The following AR variants were observed in gnomAD, a reference collection of about 807,000 sequenced individuals.
The protein encoded by AR is androgen receptor.
AR carries 8 observed loss-of-function variants against 53.9 expected under a neutral mutation model. The ratio of observed to expected loss-of-function variants is 0.15; its 90% CI spans 0.09 to 0.27. The LOEUF is 0.27. Ranked by LOEUF, AR falls within the 10% of genes least tolerant of loss-of-function variation. AR has a pLI of 1.00. For missense variants in AR, 639 were observed against 742.5 expected (o/e 0.86, Z 1.62); for synonymous variants, 359 against 316.4 (o/e 1.13, Z -1.43).
intron 2 of AR, among the ~76,000 whole-genome samples, chrX:67,669,137 T>C (rs191017286): frequency 8.9e-6 from 1 of 111,804 alleles, no homozygotes; most frequent in Admixed American, 9.5e-5. Context: ...AGATGCATTG[T>C]TAGGTTATTT....
In AR at chrX:67,729,823, G is replaced by A. The variant is rs1412142550; in HGVS notation, c.*5982G>A. 5.8e-6 allele frequency: 1 copy of A among 171,049 alleles called. No individual in the cohort carries two copies. The highest frequency in any genetic ancestry group is 3.0e-5 in the African/African-American group (1 of 33,329). The allele number at this position is 171,049 out of a possible 1,213,427, so 14.1% of individuals were successfully genotyped here. ...TCTCTGGCTGCTGCCTCACAGTATG[G>A]GAACCTGTACTCTGCAGAGGTGACA... On this transcript the variant is annotated 3_prime_UTR_variant, in exon 8 of 8. Transcript: ENST00000374690.
intron 3 of AR, among the ~76,000 whole-genome samples, chrX:67,686,731 C>T (rs2075968894): frequency 1.8e-5 from 2 of 111,475 alleles, no homozygotes; most frequent in African/African-American, 6.5e-5. Flanking sequence ...CTTTGCAAAG[C>T]TATTGACCAT....
chrX:67,553,627 T>C lies in AR; in HGVS notation c.1616+6865T>C, dbSNP rs752664054. On this transcript the variant is annotated intron_variant, in intron 1 of 7. Coordinates refer to ENST00000374690, the MANE Select transcript of AR (RefSeq NM_000044.6). Reference sequence around the variant, plus strand: ...TCTCACAGGAACTATATTAAATCTGTAAACCAATTTGGGGAGCATTGTCAT... The same window carrying C: ...TCTCACAGGAACTATATTAAATCTGCAAACCAATTTGGGGAGCATTGTCAT... 2.0e-3 allele frequency among the ~76,000 whole-genome samples: 228 copies of C among 112,204 alleles called. 1 individual carries two copies. The highest frequency in any genetic ancestry group is 0.016 in the South Asian group (44 of 2,692).
intron 1 of AR, among the ~76,000 whole-genome samples, chrX:67,609,677 A>T: frequency 9.0e-6 from 1 of 110,646 alleles, no homozygotes. Context: ...TTATACTATG[A>T]TTTCTTAGTG....
intron 1 of AR, among the ~76,000 whole-genome samples, chrX:67,560,253 A>G (rs1440914529): frequency 9.0e-6 from 1 of 111,368 alleles, no homozygotes; most frequent in African/African-American, 3.3e-5. Flanking sequence ...CTGAAGGGAT[A>G]TGCTGTTTCC....
At chrX:67,710,502 A>AT (rs989867808) in intron 3 of AR, among the ~76,000 whole-genome samples, 4 of 109,707 alleles carry the variant, frequency 3.6e-5, no homozygotes, top group Non-Finnish European at 5.7e-5. Context: ...GTTTTTTACT[A>AT]TTTTTTGTGG....
chrX:67,588,788 A>C (rs1026449213), intron 1 of AR, among the ~76,000 whole-genome samples: 3 of 111,973 alleles, frequency 2.7e-5, no homozygotes, highest in Non-Finnish European at 5.6e-5. Flanking sequence ...GAGTGTTCTC[A>C]GTCAGAAGTC....
intron 2 of AR, among the ~76,000 whole-genome samples, chrX:67,666,877 C>A (rs1169493226): frequency 9.0e-6 from 1 of 111,182 alleles, no homozygotes; most frequent in Non-Finnish European, 1.9e-5. Flanking sequence ...GATGTCTACC[C>A]AGATCTTTTG....
At chrX:67,696,850 A>G (rs2147509709) in intron 3 of AR, among the ~76,000 whole-genome samples, 1 of 111,356 alleles carries the variant, frequency 9.0e-6, no homozygotes, top group Non-Finnish European at 1.9e-5. Flanking sequence ...ATTCAACCCG[A>G]TGAAATATAA....
At chrX:67,629,680 C>G (rs1048732433) in intron 1 of AR, among the ~76,000 whole-genome samples, 1 of 108,978 alleles carries the variant, frequency 9.2e-6, no homozygotes, top group Admixed American at 9.8e-5. Flanking sequence ...CTTCTGCTAG[C>G]TTTTGAATGT....
chrX:67,576,329 T>G (rs1922044711), intron 1 of AR, among the ~76,000 whole-genome samples: 1 of 110,571 alleles, frequency 9.0e-6, no homozygotes, highest in Non-Finnish European at 1.9e-5. Flanking sequence ...TGTATATAGT[T>G]GACAACTAGA....
At chrX:67,659,334 A>G (rs1490468897) in intron 2 of AR, among the ~76,000 whole-genome samples, 2 of 110,461 alleles carry the variant, frequency 1.8e-5, no homozygotes, top group African/African-American at 6.6e-5. Flanking sequence ...ATCATTTAAC[A>G]TTAGGTATAT....
intron 2 of AR, among the ~76,000 whole-genome samples, chrX:67,685,497 CAGTT>C (rs893083349): frequency 4.5e-5 from 5 of 111,384 alleles, no homozygotes; most frequent in Admixed American, 9.6e-5. Flanking sequence ...AATCTAAAAA[CAGTT>C]AGAAATCCCA....
At chrX:67,717,710 G>A (rs2076119478) in intron 5 of AR, 88 bp downstream of exon 5, 1 of 1,139,950 alleles carries the variant, frequency 8.8e-7, no homozygotes, top group Admixed American at 2.2e-5. Flanking sequence ...TGACAGTGAA[G>A]CTTAGCTCAT....
intron 1 of AR, chrX:67,569,051 A>C (rs1047016278): frequency 8.3e-6 from 10 of 1,199,358 alleles, no homozygotes; most frequent in Non-Finnish European, 1.0e-5. Context: ...GAAAACTTAG[A>C]ACTCAGTTTC....
chrX:67,608,540 A>G (rs1227870948), intron 1 of AR, among the ~76,000 whole-genome samples: 4 of 111,738 alleles, frequency 3.6e-5, no homozygotes, highest in Non-Finnish European at 7.5e-5. Context: ...GCCTAAAGAA[A>G]GGATGTATTG....
intron 1 of AR, among the ~76,000 whole-genome samples, chrX:67,571,214 C>G (rs1470230597): frequency 8.9e-6 from 1 of 111,865 alleles, no homozygotes; most frequent in East Asian, 2.8e-4. Context: ...GAAGGAAATT[C>G]CACATGTGGC....
chrX:67,653,784 C>A (rs971931939), intron 2 of AR, among the ~76,000 whole-genome samples: 3 of 111,084 alleles, frequency 2.7e-5, no homozygotes, highest in African/African-American at 9.8e-5. Flanking sequence ...GGCTCTGGCT[C>A]TGCTGCTGAC....
At position 67,729,987 on chromosome X, in the gene AR, GA is replaced by G. The variant is rs1282212747; in HGVS notation, c.*6156del. On this transcript the variant is annotated 3_prime_UTR_variant, in exon 8 of 8. Coordinates refer to ENST00000374690, the MANE Select transcript of AR (RefSeq NM_000044.6). ...ATCAGAATGACCCACGCAAAAAAAA[GA>G]AAAAAAAAATTAAAAAGTCCCCTCA... The G allele has an allele frequency of 1.7e-3, 276 of 162,321 alleles. No individual in the cohort carries two copies. The highest frequency in any genetic ancestry group is 7.1e-3 in the African/African-American group (227 of 31,852). 13.4% of individuals were successfully genotyped at this position (162,321 alleles called of 1,213,427 possible). A position where few individuals can be genotyped will look rare whatever the true frequency, so the allele number is the denominator to read the frequency against.
Sources: gnomAD v4.1 joint callset for allele counts (sites outside exome capture counted in the v4.1 genomes callset) on GRCh38, gnomAD v4.1.1 for gene constraint, MANE v1.5 for transcripts, NCBI Gene and HGNC (gene_info 2026-07-23, HGNC 2026-07-21) for gene names.